USP8: variants seen among roughly 807,000 people sequenced by gnomAD.
USP8 encodes ubiquitin specific peptidase 8, also known as ubiquitin carboxyl-terminal hydrolase 8.
USP8 carries 27 observed loss-of-function variants against 130.0 expected under a neutral mutation model. The observed-to-expected ratio is 0.21, with a 90% CI of 0.15 to 0.29. The LOEUF (loss-of-function observed/expected upper bound fraction) is 0.29, where lower values mean the gene tolerates loss of function less well. Ranked by LOEUF, USP8 falls within the 10% of genes least tolerant of loss-of-function variation. The probability of loss-of-function intolerance (pLI) is 1.00; values close to 1 mark genes in which losing one functional copy is unlikely to be tolerated. For missense variants in USP8, 1,029 were observed against 1,312.2 expected (o/e 0.78, Z 3.33); for synonymous variants, 392 against 444.1 (o/e 0.88, Z 1.48).
chr15:50,425,987 GGT>G lies in USP8; in HGVS notation c.-66+1475_-66+1476del, dbSNP rs575267427. Reference sequence around the variant, plus strand: ...AAATACAAAATTAGCTGGGCGTGGTGGTGCACGCCTGTAGTCCCAGCTACTCT... The same window carrying G: ...AAATACAAAATTAGCTGGGCGTGGTGGCACGCCTGTAGTCCCAGCTACTCT... On this transcript the variant is annotated intron_variant, in intron 1 of 19. Transcript: ENST00000307179. Among the ~76,000 whole-genome samples, 544 of 152,250 alleles carry G rather than the reference GGT, an allele frequency of 3.6e-3. 5 individuals carry two copies. The highest frequency in any genetic ancestry group is 0.012 in the African/African-American group (515 of 41,540).
rs143252825 is a variant in USP8 at position 50,428,396 on chromosome 15, C to T, written c.-66+3882C>T. ...CCTCCCAAAGTGCTGGGATTACAGG[C>T]GTTAGCTACCACGCCGGGCCTACAA... On this transcript the variant is annotated intron_variant, in intron 1 of 19. Transcript: ENST00000307179. Among the ~76,000 whole-genome samples the T allele has an allele frequency of 2.6e-3, 396 of 152,310 alleles. 1 individual carries two copies. Among genetic ancestry groups the T allele is most frequent in the South Asian group, 0.011 (52 of 4,828 alleles).
chr15:50,495,189 GATATATAT>G lies in USP8; in HGVS notation c.2659-651_2659-644del, dbSNP rs147090227. On this transcript the variant is annotated intron_variant, in intron 16 of 19. Coordinates refer to ENST00000307179, the MANE Select transcript of USP8 (RefSeq NM_005154.5). The stretch of plus-strand genomic sequence containing the variant: ...GGTCACCATTCTTAACCACTGAACA[GATATATAT>G]ATATATACACACACACCTACACAAA... Among the ~76,000 whole-genome samples the G allele has an allele frequency of 4.8e-5, 7 of 146,788 alleles. No homozygotes were observed. In the East Asian group the frequency reaches 1.4e-3, roughly 29 times the overall value.
At chr15:50,453,696 A>G (rs1437646248) in intron 4 of USP8, among the ~76,000 whole-genome samples, 1 of 152,158 alleles carries the variant, frequency 6.6e-6, no homozygotes, top group Non-Finnish European at 1.5e-5. Context: ...TGTAACAATT[A>G]CTGAGAGAGT....
At chr15:50,493,679 A>G (rs865945105) in intron 15 of USP8, 1 of 371,556 alleles carries the variant, frequency 2.7e-6, no homozygotes, top group Non-Finnish European at 5.2e-6. Context: ...CAGAAGGTCA[A>G]GGCTGCAGTG....
At chr15:50,474,116 C>T (rs2051480560) in intron 8 of USP8, among the ~76,000 whole-genome samples, 2 of 151,934 alleles carry the variant, frequency 1.3e-5, no homozygotes, top group Non-Finnish European at 2.9e-5. Context: ...GTAGTCCTCC[C>T]AACTCAGCCT....
intron 1 of USP8, among the ~76,000 whole-genome samples, chr15:50,431,163 C>CTGTGTGTGTGTGTGTGTGTGTGTGTGTG (rs2049919971): frequency 3.7e-4 from 4 of 10,758 alleles, no homozygotes; most frequent in Admixed American, 7.0e-4. Context: ...GTGTGTGTGC[C>CTGTGTGTGTGTGTGTGTGTGTGTGTGTG]TCTGTGTGTG....
chr15:50,487,136 AAAC>A (rs968898358), intron 12 of USP8, among the ~76,000 whole-genome samples: 4 of 152,124 alleles, frequency 2.6e-5, no homozygotes, highest in African/African-American at 4.8e-5. Context: ...GAAAAAAAAA[AAAC>A]AACTTATTAA....
In USP8 at chr15:50,477,516, A is replaced by G. The variant is rs1242509950; in HGVS notation, c.1218+17A>G. 1.9e-6 allele frequency: 3 copies of G among 1,594,974 alleles called. No individual in the cohort carries two copies. The highest frequency in any genetic ancestry group is 2.6e-6 in the Non-Finnish European group (3 of 1,169,204). On this transcript the variant is annotated intron_variant, in intron 10 of 19. Coordinates refer to ENST00000307179, the MANE Select transcript of USP8 (RefSeq NM_005154.5). The stretch of plus-strand genomic sequence containing the variant: ...GTTCCACAGGTATGTTCTTGATTTT[A>G]ACATTATTCTCGCTTTTGTTTTAAT...
rs755135765 is a variant in USP8, at chr15:50,476,875, T to C, written c.876T>C (p.Asn292=). The C allele has an allele frequency of 1.9e-6, 3 of 1,592,700 alleles. No individual in the cohort carries two copies. The highest frequency in any genetic ancestry group is 2.6e-6 in the Non-Finnish European group (3 of 1,175,960). ...GGGAAAGTAAAACTGTCCTGCGCAA[T>C]GAGCCTTTGGTTTTAGAGGGAGGCT... ...FKWESKTVLR[N]EPLVLEGGYE... The change falls in exon 9 of 20, where the codon AAT becomes AAC. Residue 292 remains asparagine, a synonymous_variant. Transcript: ENST00000307179.
At chr15:50,439,378 C>A (rs2050177157) in intron 2 of USP8, among the ~76,000 whole-genome samples, 1 of 152,054 alleles carries the variant, frequency 6.6e-6, no homozygotes, top group Admixed American at 6.6e-5. Context: ...ATCTACTCTC[C>A]AGACAGATCA....
intron 16 of USP8, among the ~76,000 whole-genome samples, chr15:50,494,937 C>A (rs1459497753): frequency 6.6e-6 from 1 of 151,652 alleles, no homozygotes; most frequent in Non-Finnish European, 1.5e-5. Context: ...ATCGCTTGAA[C>A]CTGGGAGGCA....
Position 50,425,297 on chromosome 15 carries a change from C to T in USP8, c.-66+783C>T, listed in dbSNP as rs571736191. Among the ~76,000 whole-genome samples, 4 of 152,336 alleles carry T rather than the reference C, an allele frequency of 2.6e-5. No homozygotes were observed. The South Asian group carries it at 8.3e-4, about 32-fold the overall frequency. ...AGGGATTTATATCTAAAGGATGTTA[C>T]CTTTTCTGAATCTGCAAAGCATCGT... is the stretch of plus-strand genomic sequence containing the variant. On this transcript the variant is annotated intron_variant, in intron 1 of 19. Coordinates refer to ENST00000307179, the MANE Select transcript of USP8 (RefSeq NM_005154.5).
chr15:50,500,710 A>G lies in USP8; in HGVS notation c.*1622A>G, dbSNP rs2052568078. The G allele has an allele frequency of 1.3e-6, 2 of 1,489,336 alleles. No individual in the cohort carries two copies. The highest frequency in any genetic ancestry group is 1.8e-6 in the Non-Finnish European group (2 of 1,089,558). The allele number at this position is 1,489,336 out of a possible 1,614,324, so 92.3% of individuals were successfully genotyped here. A position where few individuals can be genotyped will look rare whatever the true frequency, so the allele number is the denominator to read the frequency against. On this transcript the variant is annotated 3_prime_UTR_variant, in exon 20 of 20. Coordinates refer to ENST00000307179, the MANE Select transcript of USP8 (RefSeq NM_005154.5). ...CTGGCAGCTATAGAACAGGAGATCC[A>G]TAGCATTTTGAACAGAAGTATCTGG...
At chr15:50,471,603 T>C (rs371010843) in intron 7 of USP8, 30 bp from the exon 8 acceptor site, 60 of 1,602,078 alleles carry the variant, frequency 3.7e-5, no homozygotes, top group Non-Finnish European at 4.9e-5. Flanking sequence ...TGTTGACTTT[T>C]GCCCCAATTT....
intron 16 of USP8, among the ~76,000 whole-genome samples, chr15:50,495,481 A>G (rs2052355367): frequency 7.5e-6 from 1 of 132,764 alleles, no homozygotes; most frequent in Non-Finnish European, 1.6e-5. Flanking sequence ...TTTAGTAGAG[A>G]TTGGAGGGGG....
rs988173475 is a variant in USP8 at position 50,467,329 on chromosome 15, T to A, written c.686+2138T>A. On this transcript the variant is annotated intron_variant, in intron 7 of 19. Transcript: ENST00000307179. The stretch of plus-strand genomic sequence containing the variant: ...ACTACTATGAAACTCAAGATGATTT[T>A]AGGTTGAAGATTAAAGAACAATGAA... 3.9e-5 allele frequency among the ~76,000 whole-genome samples: 6 copies of A among 152,312 alleles called. No homozygotes were observed. In the South Asian group the frequency reaches 1.2e-3, roughly 32 times the overall value.
Position 50,501,935 on chromosome 15 carries a change from T to G in USP8, c.*2847T>G, listed in dbSNP as rs1435871294. The G allele has an allele frequency of 6.6e-6, 1 of 152,204 alleles. No homozygotes were observed. The allele number at this position is 152,204 out of a possible 1,614,324, so 9.4% of individuals were successfully genotyped here. A position where few individuals can be genotyped will look rare whatever the true frequency, so the allele number is the denominator to read the frequency against. On this transcript the variant is annotated 3_prime_UTR_variant, in exon 20 of 20. Coordinates refer to ENST00000307179, the MANE Select transcript of USP8 (RefSeq NM_005154.5). ...TCCTTAAAGTTTTATGGGAACACAG[T>G]CATGCTCATTTGTTTACACTTTTCA...
Position 50,501,681 on chromosome 15 carries a change from C to T in USP8, c.*2593C>T, listed in dbSNP as rs1300520848. On this transcript the variant is annotated 3_prime_UTR_variant, in exon 20 of 20. Coordinates refer to ENST00000307179, the MANE Select transcript of USP8 (RefSeq NM_005154.5). ...CTCATTTTCCTTTTTCCATGTCTTT[C>T]CTAACCCAGTATTGTTTGGAACAAA... is the stretch of plus-strand genomic sequence containing the variant. 6.6e-6 allele frequency: 1 copy of T among 152,054 alleles called. No homozygotes were observed. Among genetic ancestry groups the T allele is most frequent in the Non-Finnish European group, 1.5e-5 (1 of 68,012 alleles). The allele number at this position is 152,054 out of a possible 1,614,324, so 9.4% of individuals were successfully genotyped here.
intron 4 of USP8, among the ~76,000 whole-genome samples, chr15:50,450,558 G>A (rs1595920597): frequency 7.8e-6 from 1 of 128,828 alleles, no homozygotes; most frequent in East Asian, 2.3e-4. Flanking sequence ...TGCAACATTT[G>A]CCTCTCAGGT....
Sources: gnomAD v4.1 joint callset for allele counts (sites outside exome capture counted in the v4.1 genomes callset) on GRCh38, gnomAD v4.1.1 for gene constraint, MANE v1.5 for transcripts, NCBI Gene and HGNC (gene_info 2026-07-23, HGNC 2026-07-21) for gene names.